Variants in PRKN observed in about 807,000 individuals in gnomAD.
PRKN encodes the protein E3 ubiquitin-protein ligase parkin.
Under a neutral mutation model 59.5 loss-of-function variants are expected in PRKN, and 56 were observed. That is an observed-to-expected ratio of 0.94 (90% confidence interval 0.76 to 1.18). The LOEUF is 1.18. Among genes scored for constraint, PRKN ranks in the 50% most tolerant of loss-of-function variants. The probability of loss-of-function intolerance (pLI) is 0.00; values close to 1 mark genes in which losing one functional copy is unlikely to be tolerated. For missense variants in PRKN, 657 were observed against 596.4 expected, an observed-to-expected ratio of 1.10 and a Z score of -1.06; for synonymous variants, 250 against 222.1, an observed-to-expected ratio of 1.13 and a Z score of -1.12.
intron 2 of PRKN, among the ~76,000 whole-genome samples, chr6:162,388,062 G>A (rs760298431): frequency 6.6e-5 from 10 of 152,182 alleles, no homozygotes; most frequent in Non-Finnish European, 1.2e-4. Flanking sequence ...AGGTAAACTC[G>A]TGTGGTTGTC....
intron 7 of PRKN, among the ~76,000 whole-genome samples, chr6:161,660,728 A>G (rs1437867879): frequency 2.6e-5 from 4 of 151,800 alleles, no homozygotes; most frequent in African/African-American, 9.7e-5. Flanking sequence ...TCAGGTTTAG[A>G]CCCTGCCTTT....
At chr6:161,687,728 T>A (rs1785620474) in intron 7 of PRKN, among the ~76,000 whole-genome samples, 1 of 151,970 alleles carries the variant, frequency 6.6e-6, no homozygotes, top group Non-Finnish European at 1.5e-5. Flanking sequence ...AGTGCTGGGA[T>A]TACAGGTTTG....
chr6:162,518,761 A>G (rs9356032), intron 1 of PRKN, among the ~76,000 whole-genome samples: 31,083 of 152,112 alleles, frequency 0.2, 3,573 homozygotes, highest in East Asian at 0.5. Flanking sequence ...AGACATAGAC[A>G]TGTAAGTTTA....
chr6:161,967,587 T>C (rs1780630078), intron 6 of PRKN, among the ~76,000 whole-genome samples: 2 of 152,212 alleles, frequency 1.3e-5, no homozygotes, highest in African/African-American at 4.8e-5. Context: ...TCTTACTATA[T>C]AGAAGTATAT....
Position 161,946,434 on chromosome 6 carries a change from T to A in PRKN, c.734+26868A>T, listed in dbSNP as rs1467347890. Among the ~76,000 whole-genome samples, 71 of 147,074 alleles carry A rather than the reference T, an allele frequency of 4.8e-4. No individual in the cohort carries two copies. The South Asian group carries it at 8.2e-3, about 17-fold the overall frequency. The stretch of plus-strand genomic sequence containing the variant: ...CACACACTCTCTCTCTCTCTCTCTC[T>A]CTCTCTCTCTCTCTCTCAATACAAA... On this transcript the variant is annotated intron_variant, in intron 6 of 11. Transcript: ENST00000366898.
chr6:162,646,358 G>A (rs897209684), intron 1 of PRKN, among the ~76,000 whole-genome samples: 2 of 151,890 alleles, frequency 1.3e-5, no homozygotes, highest in African/African-American at 2.4e-5. Flanking sequence ...CTGTGGCCTT[G>A]ACACCCTGGG....
At chr6:161,532,154 CTCTCTCTCTCTCTATATA>C (rs1434372432) in intron 9 of PRKN, among the ~76,000 whole-genome samples, 1 of 55,234 alleles carries the variant, frequency 1.8e-5, no homozygotes, top group Non-Finnish European at 3.4e-5. Flanking sequence ...CTCTCTCTCT[CTCTCTCTCTCTCTATATA>C]TATATATATA....
At chr6:162,490,497 C>T (rs1161459870) in intron 1 of PRKN, among the ~76,000 whole-genome samples, 2 of 152,166 alleles carry the variant, frequency 1.3e-5, no homozygotes, top group African/African-American at 4.8e-5. Flanking sequence ...GAGATGACAA[C>T]ACTTAATTCC....
intron 1 of PRKN, among the ~76,000 whole-genome samples, chr6:162,719,987 G>GGTTTATT (rs1157410371): frequency 6.6e-6 from 1 of 151,436 alleles, no homozygotes; most frequent in Non-Finnish European, 1.5e-5. Flanking sequence ...TTATTAATAC[G>GGTTTATT]AGCAAGTTTC....
In PRKN at chr6:162,219,395, A is replaced by G. The variant is rs191299143; in HGVS notation, c.413-18143T>C. ...GCACTGTAGCTCTTCCGCTTCCTCT[A>G]CTGTTCATTATTGGCTTTATTTCAT... On this transcript the variant is annotated intron_variant, in intron 3 of 11. Transcript: ENST00000366898. 2.6e-5 allele frequency among the ~76,000 whole-genome samples: 4 copies of G among 152,218 alleles called. No homozygotes were observed. In the East Asian group the frequency reaches 7.7e-4, roughly 29 times the overall value.
chr6:161,653,296 G>A (rs1784217708), intron 7 of PRKN, among the ~76,000 whole-genome samples: 1 of 152,122 alleles, frequency 6.6e-6, no homozygotes. Flanking sequence ...CCCAGGAGGC[G>A]GAGGTTGCAG....
chr6:162,091,336 T>C (rs1396923010), intron 4 of PRKN, among the ~76,000 whole-genome samples: 6 of 152,218 alleles, frequency 3.9e-5, no homozygotes, highest in Non-Finnish European at 8.8e-5. Context: ...GAAGATGGAA[T>C]AAATACAGTT....
chr6:162,516,967 G>C (rs1204254076), intron 1 of PRKN, among the ~76,000 whole-genome samples: 1 of 151,986 alleles, frequency 6.6e-6, no homozygotes, highest in Non-Finnish European at 1.5e-5. Context: ...AAGTGAGGCA[G>C]AAGTGTAAAT....
intron 4 of PRKN, among the ~76,000 whole-genome samples, chr6:162,174,413 C>G (rs1216808549): frequency 6.6e-6 from 1 of 152,266 alleles, no homozygotes; most frequent in African/African-American, 2.4e-5. Flanking sequence ...CCATAAATAT[C>G]TTCTTTTTGG....
intron 7 of PRKN, among the ~76,000 whole-genome samples, chr6:161,624,732 A>G (rs1783026137): frequency 6.6e-6 from 1 of 152,270 alleles, no homozygotes; most frequent in Non-Finnish European, 1.5e-5. Flanking sequence ...GCAGATGGAC[A>G]CACACATTCT....
At chr6:161,897,041 A>C (rs1777654959) in intron 6 of PRKN, among the ~76,000 whole-genome samples, 1 of 152,200 alleles carries the variant, frequency 6.6e-6, no homozygotes, top group African/African-American at 2.4e-5. Flanking sequence ...TAGTTTTCTG[A>C]GTATTCCTAG....
intron 7 of PRKN, among the ~76,000 whole-genome samples, chr6:161,721,668 C>T (rs1191684265): frequency 6.6e-6 from 1 of 152,176 alleles, no homozygotes; most frequent in South Asian, 2.1e-4. Flanking sequence ...GCTCTGGGTC[C>T]CCCCCGTGCT....
intron 1 of PRKN, among the ~76,000 whole-genome samples, chr6:162,556,341 T>TA (rs1779568620): frequency 1.1e-5 from 1 of 93,058 alleles, no homozygotes; most frequent in Non-Finnish European, 2.2e-5. Flanking sequence ...ACTACTCAGC[T>TA]GGTGTGTGTG....
intron 6 of PRKN, among the ~76,000 whole-genome samples, chr6:161,820,895 C>G (rs1319371912): frequency 6.6e-6 from 1 of 151,588 alleles, no homozygotes; most frequent in Non-Finnish European, 1.5e-5. Flanking sequence ...AGTATAAACG[C>G]CTTTGGAAAA....
Sources: gnomAD v4.1 joint callset for allele counts (sites outside exome capture counted in the v4.1 genomes callset) on GRCh38, gnomAD v4.1.1 for gene constraint, MANE v1.5 for transcripts, NCBI Gene and HGNC (gene_info 2026-07-23, HGNC 2026-07-21) for gene names.